CYP2C8: variants seen among roughly 807,000 people sequenced by gnomAD.
The protein encoded by CYP2C8 is cytochrome P450 2C8.
Under a neutral mutation model 41.3 loss-of-function variants are expected in CYP2C8, and 51 were observed. The ratio of observed to expected loss-of-function variants is 1.24; its 90% CI spans 0.99 to 1.56. The LOEUF (loss-of-function observed/expected upper bound fraction) is 1.56, where lower values mean the gene tolerates loss of function less well. Ranked by LOEUF, CYP2C8 falls within the 40% of genes most tolerant of loss-of-function variation. CYP2C8 has a pLI of 0.00. For missense variants in CYP2C8, 651 were observed against 579.9 expected (o/e 1.12, Z -1.26); for synonymous variants, 218 against 205.8 (o/e 1.06, Z -0.51).
chr10:95,037,176 C>A lies in CYP2C8; in HGVS notation c.1425G>T (p.Gly475=), dbSNP rs1358811552. The change falls in exon 9 of 9, where the codon GGG becomes GGT. Residue 475 remains glycine (G), a synonymous_variant. Coordinates refer to ENST00000371270, the MANE Select transcript of CYP2C8 (RefSeq NM_000770.3). ...KNLNTTAVTK[G]IVSLPPSYQI... ...GGTATGAGGGTGGCAGAGAAACAAT[C>A]CCTTTGGTAACTGCAGTAGTATTGA... 1.2e-6 allele frequency: 2 copies of A among 1,613,950 alleles called. No homozygotes were observed. Among genetic ancestry groups the A allele is most frequent in the Admixed American group, 1.7e-5 (1 of 59,976 alleles).
At position 95,069,301 on chromosome 10, in the gene CYP2C8, A is replaced by C; in HGVS notation, c.102T>G (p.Thr34=). The part of the protein sequence containing the change: ...CRRRKLPPGP[T]PLPIIGNMLQ... The stretch of plus-strand genomic sequence containing the variant: ...GCATATTTCCAATAATAGGAAGAGG[A>C]GTGGGGCCAGGAGGGAGCTTCCTTC... The change falls in exon 1 of 9, where the codon ACT becomes ACG. Residue 34 remains threonine (T), a synonymous_variant. Transcript: ENST00000371270. The C allele has an allele frequency of 2.5e-6, 4 of 1,614,014 alleles. No individual in the cohort carries two copies. The highest frequency in any genetic ancestry group is 3.4e-6 in the Non-Finnish European group (4 of 1,179,924).
intron 5 of CYP2C8, among the ~76,000 whole-genome samples, chr10:95,056,126 C>T (rs1013908937): frequency 1.3e-5 from 2 of 152,000 alleles, no homozygotes; most frequent in African/African-American, 4.8e-5. Flanking sequence ...TAAAAATGAA[C>T]AAGGGCCTTG....
chr10:95,042,138 C>T (rs967877407), intron 7 of CYP2C8, among the ~76,000 whole-genome samples: 1 of 152,106 alleles, frequency 6.6e-6, no homozygotes, highest in Non-Finnish European at 1.5e-5. Flanking sequence ...AATAAGGATG[C>T]CCTCTATCAC....
intron 1 of CYP2C8, chr10:95,068,595 C>T (rs1564743582): frequency 7.8e-7 from 1 of 1,288,892 alleles, no homozygotes; most frequent in East Asian, 5.5e-5. Flanking sequence ...ACACACACTT[C>T]CCTTCACCTT....
intron 4 of CYP2C8, among the ~76,000 whole-genome samples, chr10:95,059,986 T>C (rs546527409): frequency 1.3e-5 from 2 of 152,096 alleles, no homozygotes; most frequent in Admixed American, 6.6e-5. Flanking sequence ...GGGCTCTGTT[T>C]TGTTCCATTG....
intron 4 of CYP2C8, among the ~76,000 whole-genome samples, chr10:95,064,323 C>A (rs992059545): frequency 9.2e-5 from 14 of 152,158 alleles, no homozygotes; most frequent in African/African-American, 1.9e-4. Context: ...CAAGCCTCAG[C>A]AATGGTGGAC....
At position 95,043,072 on chromosome 10, in the gene CYP2C8, C is replaced by A. The variant is rs1198462820; in HGVS notation, c.967G>T (p.Val323Phe). Reference protein sequence around the residue: ...LLKHPEVTAKVQEEIDHVIGR... With the variant: ...LLKHPEVTAKFQEEIDHVIGR... ...ATTACATGATCAATCTCTTCCTGGA[C>A]TTTAGCTGACAAGACACAAGAAAGA... The change falls in exon 7 of 9, where the codon GTC becomes TTC. Residue 323 changes from valine to phenylalanine, a missense_variant. Transcript: ENST00000371270. 3 of 1,613,954 alleles carry A rather than the reference C, an allele frequency of 1.9e-6. No individual in the cohort carries two copies. Among genetic ancestry groups the A allele is most frequent in the African/African-American group, 1.3e-5 (1 of 74,884 alleles).
At position 95,038,995 on chromosome 10, in the gene CYP2C8, T is replaced by C. The variant is rs113669182; in HGVS notation, c.1193A>G (p.Asp398Gly). Residue 398 changes from aspartate (D) to glycine (G), a missense_variant, in exon 8 of 9, where the codon GAC becomes GGC. Physicochemically the swap from Asp to Gly is moderately conservative, Grantham distance 94. Transcript: ENST00000371270. ...GATATTTGGATTAGGAAATTCTTTG[T>C]CATCATGTAGCACGGAAGTCAGTAA... ...MALLTSVLHD[D>G]KEFPNPNIFD... 2 of 1,613,516 alleles carry C rather than the reference T, an allele frequency of 1.2e-6. No homozygotes were observed. Among genetic ancestry groups the C allele is most frequent in the Non-Finnish European group, 8.5e-7 (1 of 1,179,392 alleles).
At chr10:95,064,719 T>C in intron 4 of CYP2C8, 81 bp downstream of exon 4, 2 of 1,333,214 alleles carry the variant, frequency 1.5e-6, no homozygotes, top group Non-Finnish European at 2.1e-6. Flanking sequence ...CATTTTAGTA[T>C]CAATTTTCTC....
At chr10:95,053,911 A>G (rs1338438175) in intron 5 of CYP2C8, among the ~76,000 whole-genome samples, 1 of 152,188 alleles carries the variant, frequency 6.6e-6, no homozygotes, top group African/African-American at 2.4e-5. Flanking sequence ...CTGCACATGT[A>G]TCCCAGAACC....
Position 95,069,236 on chromosome 10 carries a change from T to A in CYP2C8, c.167A>T (p.Asn56Ile). Reference sequence around the variant, plus strand: ...TGGAGGAACATAAGGCAGACTTACATTGGTGAAAGATTTGCAGATGTCCTT... The same window carrying A: ...TGGAGGAACATAAGGCAGACTTACAATGGTGAAAGATTTGCAGATGTCCTT... ...DVKDICKSFT[N>I]FSKVYGPVFT... is the part of the protein sequence containing the mutation. The change falls in exon 1 of 9, where the codon AAT becomes ATT. Residue 56 changes from asparagine to isoleucine, a missense_variant and splice_region_variant. Physicochemically the swap from Asn to Ile is moderately radical, Grantham distance 149. Transcript: ENST00000371270. 6.2e-7 allele frequency: 1 copy of A among 1,614,114 alleles called. No individual in the cohort carries two copies. Among genetic ancestry groups the A allele is most frequent in the South Asian group, 1.1e-5 (1 of 91,082 alleles).
In CYP2C8 at chr10:95,045,904, G is replaced by A. The variant is rs539553263; in HGVS notation, c.867C>T (p.Gly289=). ...CAGCAACAAATAGATCAGCTACAGT[G>A]CCAACCAAGTTTTCAATATTGAATT... is the stretch of plus-strand genomic sequence containing the variant. The part of the protein sequence containing the change: ...KSEFNIENLV[G]TVADLFVAGT... The change falls in exon 6 of 9, where the codon GGC becomes GGT. Residue 289 remains glycine (G), a synonymous_variant. Transcript: ENST00000371270. 1.2e-6 allele frequency: 2 copies of A among 1,614,016 alleles called. No individual in the cohort carries two copies. Among genetic ancestry groups the A allele is most frequent in the East Asian group, 2.2e-5 (1 of 44,870 alleles).
chr10:95,045,535 C>G (rs549800767), intron 6 of CYP2C8, among the ~76,000 whole-genome samples: 3 of 152,332 alleles, frequency 2.0e-5, no homozygotes, highest in African/African-American at 7.2e-5. Flanking sequence ...TATGCTGGCT[C>G]TCCTTACCAC....
rs754390283 is a variant in CYP2C8 at position 95,037,268 on chromosome 10, G to C, written c.1333C>G (p.Leu445Val). 3.7e-6 allele frequency: 6 copies of C among 1,613,730 alleles called. No homozygotes were observed. The African/African-American group carries it at 5.3e-5, about 14-fold the overall frequency. Residue 445 changes from leucine to valine, a missense_variant, in exon 9 of 9, where the codon CTA becomes GTA. Leu to Val is a conservative substitution (Grantham distance 32). Transcript: ENST00000371270. ...AAAATTGTGGTTAGAAATAAAAATA[G>C]CTCCATGCGGGCAAGTCCTTCTCCT... is the stretch of plus-strand genomic sequence containing the variant. ...CAGEGLARME[L>V]FLFLTTILQN... is the part of the protein sequence containing the mutation.
chr10:95,036,947 T>C lies in CYP2C8; in HGVS notation c.*181A>G. The C allele has an allele frequency of 1.5e-6, 1 of 665,652 alleles. No individual in the cohort carries two copies. The highest frequency in any genetic ancestry group is 2.7e-6 in the Non-Finnish European group (1 of 364,540). The allele number at this position is 665,652 out of a possible 1,614,324, so 41.2% of individuals were successfully genotyped here. A position where few individuals can be genotyped will look rare whatever the true frequency, so the allele number is the denominator to read the frequency against. On this transcript the variant is annotated 3_prime_UTR_variant, in exon 9 of 9. Transcript: ENST00000371270. ...ACAAGTGTTACAGAGTATGAATAAT[T>C]GCAGATATATTTGTGCAGTGACCTG...
intron 1 of CYP2C8, chr10:95,068,772 CA>C: frequency 1.9e-6 from 1 of 515,208 alleles, no homozygotes; most frequent in Non-Finnish European, 3.4e-6. Flanking sequence ...CTTAGAAAGA[CA>C]AAAGAGGCCA....
At chr10:95,058,608 ACAT>A in intron 4 of CYP2C8, 97 bp from the exon 5 acceptor site, 2 of 1,101,934 alleles carry the variant, frequency 1.8e-6, no homozygotes, top group Non-Finnish European at 2.6e-6. Flanking sequence ...TATGAATAAG[ACAT>A]CATGTCCATT....
intron 7 of CYP2C8, among the ~76,000 whole-genome samples, chr10:95,040,174 G>A (rs2134407152): frequency 6.6e-6 from 1 of 152,310 alleles, no homozygotes; most frequent in Admixed American, 6.5e-5. Flanking sequence ...AATAGCTACT[G>A]AGTGTGACTA....
At chr10:95,066,296 A>G (rs1196521102) in intron 3 of CYP2C8, among the ~76,000 whole-genome samples, 1 of 151,956 alleles carries the variant, frequency 6.6e-6, no homozygotes, top group African/African-American at 2.4e-5. Context: ...ATTGATTATA[A>G]CAAGCACTTC....
Sources: gnomAD v4.1 joint callset for allele counts (sites outside exome capture counted in the v4.1 genomes callset) on GRCh38, gnomAD v4.1.1 for gene constraint, MANE v1.5 for transcripts, NCBI Gene and HGNC (gene_info 2026-07-23, HGNC 2026-07-21) for gene names.